MOXD1: variants seen among roughly 807,000 people sequenced by gnomAD.
The protein encoded by MOXD1 is DBH-like monooxygenase protein 1.
A neutral mutation model predicts 66.6 loss-of-function variants in MOXD1; 62 were observed. The ratio of observed to expected loss-of-function variants is 0.93; its 90% CI spans 0.76 to 1.15. MOXD1 has a LOEUF of 1.15. MOXD1 is among the 50% of genes most tolerant of loss of function. The pLI, the probability that MOXD1 is intolerant of heterozygous loss-of-function variation, is 0.00. For synonymous variants in MOXD1, 303 were observed against 281.9 expected (o/e 1.07, Z -0.75); for missense variants, 847 against 754.6 (o/e 1.12, Z -1.44).
chr6:132,312,453 G>A (rs905297406), intron 10 of MOXD1, among the ~76,000 whole-genome samples: 14 of 152,002 alleles, frequency 9.2e-5, no homozygotes, highest in Non-Finnish European at 1.8e-4. Context: ...TGTTAGTTTG[G>A]CCTTCACTAT....
intron 1 of MOXD1, among the ~76,000 whole-genome samples, chr6:132,387,547 A>G (rs1270302251): frequency 6.6e-6 from 1 of 150,688 alleles, no homozygotes; most frequent in African/African-American, 2.4e-5. Flanking sequence ...TGAGGTCAGG[A>G]GTTTGAGACC....
chr6:132,393,824 C>G (rs1322003877), intron 1 of MOXD1, among the ~76,000 whole-genome samples: 4 of 152,182 alleles, frequency 2.6e-5, no homozygotes, highest in African/African-American at 9.7e-5. Flanking sequence ...GCAGGAGCCA[C>G]TGGAAGTGAC....
chr6:132,331,141 T>C (rs966640368), intron 4 of MOXD1, among the ~76,000 whole-genome samples: 1 of 152,236 alleles, frequency 6.6e-6, no homozygotes. Flanking sequence ...ATTTCATTTT[T>C]ATGTCTAGTT....
At chr6:132,359,476 T>C (rs1261100453) in intron 4 of MOXD1, among the ~76,000 whole-genome samples, 1 of 150,948 alleles carries the variant, frequency 6.6e-6, no homozygotes, top group Non-Finnish European at 1.5e-5. Flanking sequence ...CCAGAGTTTT[T>C]TTTTTCTTTT....
chr6:132,393,944 T>C (rs922959979), intron 1 of MOXD1, among the ~76,000 whole-genome samples: 1 of 152,188 alleles, frequency 6.6e-6, no homozygotes, highest in Non-Finnish European at 1.5e-5. Flanking sequence ...CACTGACCAC[T>C]TGGGTTCCAG....
chr6:132,386,030 G>A (rs1241087436), intron 1 of MOXD1, among the ~76,000 whole-genome samples: 1 of 149,000 alleles, frequency 6.7e-6, no homozygotes, highest in African/African-American at 2.5e-5. Context: ...GTGAACCCAG[G>A]AGGCGTAGCT....
chr6:132,297,996 G>A (rs1437152618), intron 10 of MOXD1, 41 bp from the exon 11 acceptor site: 3 of 1,523,394 alleles, frequency 2.0e-6, no homozygotes, highest in Non-Finnish European at 2.7e-6. Flanking sequence ...CAGAACAAAT[G>A]CATTACATGT....
Position 132,401,275 on chromosome 6 carries a change from C to A in MOXD1, c.152G>T (p.Arg51Leu). ...WSQRGSQIAF[R>L]LQVRTAGYVG... ...GTAGCCTGCAGTGCGCACCTGGAGG[C>A]GGAAGGCGATCTGGCTGCCCCGCTG... The change falls in exon 1 of 12, where the codon CGC (arginine) becomes CTC (leucine). Residue 51 changes from arginine (R) to leucine (L), a missense_variant. By Grantham distance (102) the Arg-to-Leu change is moderately radical. Coordinates refer to ENST00000367963, the MANE Select transcript of MOXD1 (RefSeq NM_015529.4). 4.4e-6 allele frequency: 7 copies of A among 1,598,054 alleles called. No homozygotes were observed. The highest frequency in any genetic ancestry group is 1.8e-4 in the Middle Eastern group (1 of 5,452).
intron 1 of MOXD1, among the ~76,000 whole-genome samples, chr6:132,384,257 C>T (rs1393082441): frequency 1.1e-5 from 1 of 93,464 alleles, no homozygotes; most frequent in East Asian, 6.0e-4. Context: ...TTCCTTCCTT[C>T]CTTCCTTCCT....
intron 1 of MOXD1, among the ~76,000 whole-genome samples, chr6:132,383,189 G>C (rs1776545680): frequency 6.6e-6 from 1 of 152,036 alleles, no homozygotes. Flanking sequence ...AAGTGTTATG[G>C]TGGTTTAATA....
intron 4 of MOXD1, among the ~76,000 whole-genome samples, chr6:132,368,123 G>T (rs1198584831): frequency 3.9e-5 from 6 of 152,030 alleles, no homozygotes; most frequent in Non-Finnish European, 8.8e-5. Context: ...CTCAAAAAAA[G>T]CAGCGTGTTA....
At chr6:132,392,066 C>A in intron 1 of MOXD1, 4 of 993,728 alleles carry the variant, frequency 4.0e-6, no homozygotes, top group Non-Finnish European at 5.7e-6. Flanking sequence ...GGGTTGCACA[C>A]TCTCTTCATC....
intron 10 of MOXD1, among the ~76,000 whole-genome samples, chr6:132,300,953 A>C (rs1774520568): frequency 6.6e-6 from 1 of 152,176 alleles, no homozygotes; most frequent in African/African-American, 2.4e-5. Flanking sequence ...CCTATCCTAC[A>C]CACTTCCAAA....
At chr6:132,366,912 A>G (rs773394758) in intron 4 of MOXD1, among the ~76,000 whole-genome samples, 2 of 152,032 alleles carry the variant, frequency 1.3e-5, no homozygotes, top group South Asian at 2.1e-4. Context: ...ATGGCTATTC[A>G]ATGTCAATTA....
rs1562276293 is a variant in MOXD1 at position 132,303,806 on chromosome 6, C to CGTGTGT, written c.1509-5852_1509-5851insACACAC. Among the ~76,000 whole-genome samples, 19 of 91,324 alleles carry CGTGTGT rather than the reference C, an allele frequency of 2.1e-4. 2 individuals are homozygous for CGTGTGT. In the East Asian group the frequency reaches 4.2e-3, roughly 20 times the overall value. The allele number at this position is 91,324 out of a possible 152,430, so 59.9% of individuals were successfully genotyped here. A position where few individuals can be genotyped will look rare whatever the true frequency, so the allele number is the denominator to read the frequency against. On this transcript the variant is annotated intron_variant, in intron 10 of 11. Transcript: ENST00000367963. ...ACACATATATACATATATACACACA[C>CGTGTGT]ATGTGTGTGTGTGTGTGTGTGTGTG...
At position 132,385,815 on chromosome 6, in the gene MOXD1, A is replaced by T. The variant is rs1036526584; in HGVS notation, c.265-11038T>A. ...CCAATATACTGAAATTAAAAACAGG[A>T]AAAGAGGCCGGGCGAGGTGGCTCAC... is the stretch of plus-strand genomic sequence containing the variant. On this transcript the variant is annotated intron_variant, in intron 1 of 11. Coordinates refer to ENST00000367963, the MANE Select transcript of MOXD1 (RefSeq NM_015529.4). 3.5e-4 allele frequency among the ~76,000 whole-genome samples: 53 copies of T among 152,124 alleles called. 1 individual carries two copies. The highest frequency in any genetic ancestry group is 6.8e-3 in the Middle Eastern group (2 of 294).
At chr6:132,393,244 G>A (rs1365203765) in intron 1 of MOXD1, among the ~76,000 whole-genome samples, 1 of 152,154 alleles carries the variant, frequency 6.6e-6, no homozygotes, top group Non-Finnish European at 1.5e-5. Context: ...TGCCAACAGA[G>A]AAAGGATGCA....
At chr6:132,339,318 G>C (rs141348117) in intron 4 of MOXD1, among the ~76,000 whole-genome samples, 1 of 151,826 alleles carries the variant, frequency 6.6e-6, no homozygotes, top group African/African-American at 2.4e-5. Context: ...AAATGTTTTC[G>C]TTCAAGAGAT....
intron 4 of MOXD1, among the ~76,000 whole-genome samples, chr6:132,346,948 C>T (rs879264308): frequency 7.2e-5 from 11 of 152,150 alleles, no homozygotes; most frequent in African/African-American, 2.4e-4. Context: ...GGCTGCAGAT[C>T]TAAGCCACAA....
Sources: allele counts gnomAD v4.1 joint callset (sites outside exome capture counted in the v4.1 genomes callset), GRCh38; gene constraint gnomAD v4.1.1; transcripts MANE v1.5; gene names NCBI Gene and HGNC (gene_info 2026-07-23, HGNC 2026-07-21).